CTNNA3: variants seen among roughly 807,000 people sequenced by gnomAD.
The protein encoded by CTNNA3 is catenin alpha 3.
Under a neutral mutation model 95.7 loss-of-function variants are expected in CTNNA3, and 76 were observed. The ratio of observed to expected loss-of-function variants is 0.79; its 90% confidence interval spans 0.66 to 0.96. The LOEUF (loss-of-function observed/expected upper bound fraction) is 0.96, where lower values mean the gene tolerates loss of function less well. CTNNA3 is among the 40% of genes least tolerant of loss of function. CTNNA3 has a pLI of 0.00. For missense variants in CTNNA3, 1,191 were observed against 1,089.8 expected, an observed-to-expected ratio of 1.09 and a Z score of -1.31; for synonymous variants, 431 against 374.4, an observed-to-expected ratio of 1.15 and a Z score of -1.74.
chr10:67,647,178 T>TATATATATATA (rs1213827670), intron 2 of CTNNA3, among the ~76,000 whole-genome samples: 3 of 125,954 alleles, frequency 2.4e-5, no homozygotes, highest in Non-Finnish European at 5.5e-5. Flanking sequence ...ATATATATAT[T>TATATATATATA]ATTACTGCTA....
intron 5 of CTNNA3, among the ~76,000 whole-genome samples, chr10:67,303,597 TG>T (rs1394785798): frequency 2.6e-5 from 4 of 152,228 alleles, no homozygotes; most frequent in African/African-American, 9.7e-5. Context: ...ATGGCAAGAA[TG>T]GTTTCTCAGG....
intron 11 of CTNNA3, among the ~76,000 whole-genome samples, chr10:66,460,661 T>C (rs1030445676): frequency 3.9e-5 from 6 of 152,150 alleles, no homozygotes; most frequent in Non-Finnish European, 7.3e-5. Context: ...GACTGAGCAT[T>C]AGGACTTTCT....
At chr10:67,243,006 A>T (rs775798245) in intron 5 of CTNNA3, among the ~76,000 whole-genome samples, 24 of 152,160 alleles carry the variant, frequency 1.6e-4, no homozygotes, top group Non-Finnish European at 3.4e-4. Context: ...CATGCAACAA[A>T]CTATTAGCCA....
At chr10:66,438,870 G>C (rs921037839) in intron 11 of CTNNA3, among the ~76,000 whole-genome samples, 1 of 152,148 alleles carries the variant, frequency 6.6e-6, no homozygotes, top group Non-Finnish European at 1.5e-5. Flanking sequence ...AAGACCATGG[G>C]AAAAGCAAAG....
At chr10:67,000,621 G>A (rs535053547) in intron 7 of CTNNA3, among the ~76,000 whole-genome samples, 16 of 136,364 alleles carry the variant, frequency 1.2e-4, no homozygotes, top group African/African-American at 4.1e-4. Flanking sequence ...CAGGAAACAG[G>A]AGTCAGATCT....
chr10:67,555,815 G>A (rs1298653935), intron 3 of CTNNA3, among the ~76,000 whole-genome samples: 1 of 152,164 alleles, frequency 6.6e-6, no homozygotes, highest in Non-Finnish European at 1.5e-5. Flanking sequence ...GTGAGAGAGG[G>A]CATCCCTGTC....
At chr10:67,504,050 G>GGGA (rs1453895802) in intron 5 of CTNNA3, among the ~76,000 whole-genome samples, 1 of 150,914 alleles carries the variant, frequency 6.6e-6, no homozygotes, top group Non-Finnish European at 1.5e-5. Flanking sequence ...CCAGCTACTT[G>GGGA]GGAGGCTGAG....
At chr10:67,626,857 T>A (rs1450207755) in intron 2 of CTNNA3, among the ~76,000 whole-genome samples, 1 of 152,226 alleles carries the variant, frequency 6.6e-6, no homozygotes, top group African/African-American at 2.4e-5. Flanking sequence ...TGAGTACTCA[T>A]AAATTATATA....
intron 5 of CTNNA3, among the ~76,000 whole-genome samples, chr10:67,302,939 C>T (rs911391118): frequency 3.9e-5 from 6 of 152,136 alleles, no homozygotes; most frequent in Non-Finnish European, 5.9e-5. Flanking sequence ...AACATAGGCT[C>T]TTTAAATGTG....
At chr10:67,009,239 A>G (rs1458451736) in intron 7 of CTNNA3, among the ~76,000 whole-genome samples, 1 of 152,080 alleles carries the variant, frequency 6.6e-6, no homozygotes, top group Non-Finnish European at 1.5e-5. Flanking sequence ...TTATATTTAT[A>G]TTGGATCCCT....
At chr10:67,367,286 C>T (rs1843251298) in intron 5 of CTNNA3, among the ~76,000 whole-genome samples, 1 of 152,042 alleles carries the variant, frequency 6.6e-6, no homozygotes, top group Admixed American at 6.6e-5. Flanking sequence ...CATTAACAGA[C>T]ATTTCTCAAA....
chr10:66,588,689 T>G (rs1276995412), intron 10 of CTNNA3, among the ~76,000 whole-genome samples: 1 of 151,994 alleles, frequency 6.6e-6, no homozygotes, highest in Non-Finnish European at 1.5e-5. Flanking sequence ...AATCCAAAAG[T>G]CAGACACGAA....
Position 67,127,890 on chromosome 10 carries a change from G to A in CTNNA3, c.1047+52427C>T, listed in dbSNP as rs184026297. 4.0e-3 allele frequency among the ~76,000 whole-genome samples: 605 copies of A among 152,166 alleles called. 1 individual carries two copies. The highest frequency in any genetic ancestry group is 0.014 in the African/African-American group (564 of 41,518). ...TCTGTGTGTGTGTCTGTGTGTGTGT[G>A]TGCATGTGCGTGCACATGTACATGC... On this transcript the variant is annotated intron_variant, in intron 7 of 17. Transcript: ENST00000433211.
chr10:65,943,209 G>T (rs189799760), intron 17 of CTNNA3, among the ~76,000 whole-genome samples: 3 of 151,890 alleles, frequency 2.0e-5, no homozygotes, highest in African/African-American at 7.3e-5. Flanking sequence ...GACTACAGGC[G>T]CCCACCACCG....
intron 12 of CTNNA3, among the ~76,000 whole-genome samples, chr10:66,310,850 A>AT (rs1589067340): frequency 6.6e-6 from 1 of 151,950 alleles, no homozygotes; most frequent in African/African-American, 2.4e-5. Context: ...CGCCTGGCTA[A>AT]TTTTTTGTAT....
At chr10:66,633,694 T>C (rs933758499) in intron 9 of CTNNA3, among the ~76,000 whole-genome samples, 1 of 152,020 alleles carries the variant, frequency 6.6e-6, no homozygotes, top group African/African-American at 2.4e-5. Flanking sequence ...AAAAAAATTA[T>C]TTACTTAAAA....
intron 5 of CTNNA3, among the ~76,000 whole-genome samples, chr10:67,259,022 T>C (rs541551725): frequency 6.6e-6 from 1 of 152,256 alleles, no homozygotes; most frequent in Non-Finnish European, 1.5e-5. Flanking sequence ...ATTGTTGTAC[T>C]ATATTTTTTC....
At chr10:66,254,929 C>T (rs77817339) in intron 13 of CTNNA3, among the ~76,000 whole-genome samples, 1 of 152,180 alleles carries the variant, frequency 6.6e-6, no homozygotes, top group African/African-American at 2.4e-5. Context: ...GGGTTTCTGG[C>T]TGAGTGCACT....
intron 11 of CTNNA3, among the ~76,000 whole-genome samples, chr10:66,429,061 A>G (rs1335317827): frequency 4.6e-5 from 7 of 152,096 alleles, no homozygotes; most frequent in African/African-American, 1.4e-4. Context: ...ATAAAAAATG[A>G]TAAAGGGGAT....
Sources: gnomAD v4.1 joint callset for allele counts (sites outside exome capture counted in the v4.1 genomes callset) on GRCh38, gnomAD v4.1.1 for gene constraint, MANE v1.5 for transcripts, NCBI Gene and HGNC (gene_info 2026-07-23, HGNC 2026-07-21) for gene names.